Variants in PTPRD observed in about 807,000 individuals in gnomAD.
The protein encoded by PTPRD is receptor-type tyrosine-protein phosphatase delta.
Under a neutral mutation model 214.5 loss-of-function variants are expected in PTPRD, and 34 were observed. That is an observed-to-expected ratio of 0.16 (90% CI 0.12 to 0.21). The LOEUF (loss-of-function observed/expected upper bound fraction) is 0.21, where lower values mean the gene tolerates loss of function less well. Among genes scored for constraint, PTPRD ranks in the 10% least tolerant of loss-of-function variants. The probability of loss-of-function intolerance (pLI) is 1.00; values close to 1 mark genes in which losing one functional copy is unlikely to be tolerated. For missense variants in PTPRD, 2,545 were observed against 2,398.7 expected, an observed-to-expected ratio of 1.06 and a Z score of -1.27; for synonymous variants, 1,128 against 845.7, an observed-to-expected ratio of 1.33 and a Z score of -5.79.
intron 7 of PTPRD, among the ~76,000 whole-genome samples, chr9:9,619,131 A>T (rs988973702): frequency 6.6e-6 from 1 of 152,178 alleles, no homozygotes; most frequent in African/African-American, 2.4e-5. Flanking sequence ...ACTAAGGCAA[A>T]CGCATGAGTT....
At chr9:9,007,664 GTA>G (rs2099484552) in intron 11 of PTPRD, among the ~76,000 whole-genome samples, 1 of 148,612 alleles carries the variant, frequency 6.7e-6, no homozygotes, top group African/African-American at 2.5e-5. Flanking sequence ...AGATACCTAT[GTA>G]TAGTTATTTT....
Position 8,417,869 on chromosome 9 carries a change from T to C in PTPRD, c.4087-13209A>G, listed in dbSNP as rs189332377. Among the ~76,000 whole-genome samples, 192 of 152,298 alleles carry C rather than the reference T, an allele frequency of 1.3e-3. 1 individual carries two copies. The highest frequency in any genetic ancestry group is 4.3e-3 in the African/African-American group (177 of 41,574). On this transcript the variant is annotated intron_variant, in intron 35 of 45. Coordinates refer to ENST00000381196, the MANE Select transcript of PTPRD (RefSeq NM_002839.4). ...TAACTGTAATCCAAATACACAGATA[T>C]ACTAACAATGAAATTTCAAAAACTA... is the stretch of plus-strand genomic sequence containing the variant.
chr9:8,879,584 G>T (rs1034665940), intron 11 of PTPRD, among the ~76,000 whole-genome samples: 3 of 152,098 alleles, frequency 2.0e-5, no homozygotes, highest in Admixed American at 1.3e-4. Context: ...TATGATTAAT[G>T]TCTACTCCCT....
At chr9:9,107,693 T>C (rs1044420025) in intron 10 of PTPRD, among the ~76,000 whole-genome samples, 1 of 152,196 alleles carries the variant, frequency 6.6e-6, no homozygotes, top group Non-Finnish European at 1.5e-5. Context: ...AAGTTTTTCA[T>C]CCACAAATTC....
chr9:9,177,562 A>C (rs1344131342), intron 10 of PTPRD, among the ~76,000 whole-genome samples: 1 of 152,150 alleles, frequency 6.6e-6, no homozygotes, highest in Non-Finnish European at 1.5e-5. Flanking sequence ...TATGAACTCA[A>C]ATTAAACTTA....
chr9:9,746,063 C>T (rs1234836580), intron 6 of PTPRD, among the ~76,000 whole-genome samples: 10 of 152,138 alleles, frequency 6.6e-5, no homozygotes, highest in African/African-American at 2.4e-4. Flanking sequence ...CAAGTTTCCT[C>T]AGGAAACCCA....
intron 10 of PTPRD, among the ~76,000 whole-genome samples, chr9:9,051,531 C>T (rs1428000289): frequency 6.6e-6 from 1 of 152,092 alleles, no homozygotes; most frequent in Non-Finnish European, 1.5e-5. Flanking sequence ...ATTCTTTCTT[C>T]ATTTTTTAAC....
chr9:9,804,418 G>A (rs2099060657), intron 5 of PTPRD, among the ~76,000 whole-genome samples: 1 of 152,078 alleles, frequency 6.6e-6, no homozygotes, highest in Non-Finnish European at 1.5e-5. Flanking sequence ...TAAATTGAAT[G>A]TCTACTAAAA....
intron 5 of PTPRD, among the ~76,000 whole-genome samples, chr9:9,834,537 G>A (rs1245488042): frequency 6.6e-6 from 1 of 151,964 alleles, no homozygotes; most frequent in East Asian, 1.9e-4. Context: ...CAGTTCCTAA[G>A]TATGCATTTG....
chr9:9,671,626 C>T (rs906436267), intron 7 of PTPRD, among the ~76,000 whole-genome samples: 3 of 152,228 alleles, frequency 2.0e-5, no homozygotes, highest in East Asian at 1.9e-4. Flanking sequence ...TAATTTGAAT[C>T]GTGAGGGCAG....
intron 3 of PTPRD, among the ~76,000 whole-genome samples, chr9:10,209,410 G>A (rs1418593796): frequency 2.6e-5 from 4 of 152,060 alleles, no homozygotes; most frequent in Non-Finnish European, 5.9e-5. Flanking sequence ...TCAGATTAGT[G>A]GCAATCGAAT....
At chr9:10,162,526 T>G (rs1002775830) in intron 3 of PTPRD, among the ~76,000 whole-genome samples, 1 of 150,516 alleles carries the variant, frequency 6.6e-6, no homozygotes, top group Non-Finnish European at 1.5e-5. Context: ...TAAATTGGTG[T>G]TTTCCAAAGG....
intron 14 of PTPRD, among the ~76,000 whole-genome samples, chr9:8,590,408 G>T (rs957327483): frequency 1.3e-5 from 2 of 152,138 alleles, no homozygotes; most frequent in African/African-American, 4.8e-5. Context: ...ATTCAAGTGT[G>T]CAGAAGACTT....
intron 10 of PTPRD, among the ~76,000 whole-genome samples, chr9:9,090,279 T>C (rs1031204025): frequency 3.3e-5 from 5 of 152,140 alleles, no homozygotes; most frequent in Admixed American, 1.3e-4. Context: ...TACACTTTTT[T>C]AGCCCCCACA....
In PTPRD at chr9:10,142,426, G is replaced by A. The variant is rs374325296; in HGVS notation, c.-544-108636C>T. Among the ~76,000 whole-genome samples, 978 of 151,212 alleles carry A rather than the reference G, an allele frequency of 6.5e-3. 10 individuals carry two copies. The highest frequency in any genetic ancestry group is 0.017 in the African/African-American group (693 of 41,236). ...CTACAATGAACTCAAACAAATTTAC[G>A]AGAAAAAAACAAACAACTCCATCAA... On this transcript the variant is annotated intron_variant, in intron 3 of 45. Transcript: ENST00000381196.
chr9:10,307,111 T>A (rs1162697821), intron 3 of PTPRD, among the ~76,000 whole-genome samples: 1 of 152,140 alleles, frequency 6.6e-6, no homozygotes, highest in African/African-American at 2.4e-5. Flanking sequence ...TTGAAACATA[T>A]AATGCATTGT....
intron 35 of PTPRD, among the ~76,000 whole-genome samples, chr9:8,413,970 C>T (rs1589796735): frequency 1.3e-5 from 2 of 152,138 alleles, no homozygotes; most frequent in East Asian, 3.9e-4. Context: ...AATGGAATCA[C>T]TTGAGAACAC....
chr9:8,950,085 A>T (rs537698957), intron 11 of PTPRD, among the ~76,000 whole-genome samples: 2 of 152,290 alleles, frequency 1.3e-5, no homozygotes, highest in African/African-American at 4.8e-5. Context: ...CTATTTTACA[A>T]GTGAGAAAAT....
At chr9:9,343,063 C>CAT (rs2137459535) in intron 9 of PTPRD, among the ~76,000 whole-genome samples, 1 of 152,212 alleles carries the variant, frequency 6.6e-6, no homozygotes, top group Non-Finnish European at 1.5e-5. Context: ...GACATGAACT[C>CAT]ATCCTTTTTT....
Sources: gnomAD v4.1 joint callset for allele counts (sites outside exome capture counted in the v4.1 genomes callset) on GRCh38, gnomAD v4.1.1 for gene constraint, MANE v1.5 for transcripts, NCBI Gene and HGNC (gene_info 2026-07-23, HGNC 2026-07-21) for gene names.